Variants in ADK observed in about 807,000 individuals in gnomAD.
The protein encoded by ADK is adenosine kinase, also known as N6,N6-dimethyladenosine kinase.
Under a neutral mutation model 44.7 loss-of-function variants are expected in ADK, and 24 were observed. That is an observed-to-expected ratio of 0.54 (90% CI 0.39 to 0.76). The LOEUF (loss-of-function observed/expected upper bound fraction) is 0.76. Among genes scored for constraint, ADK ranks in the 30% least tolerant of loss-of-function variants. The pLI is 0.00. For synonymous variants in ADK, 128 were observed against 142.6 expected (o/e 0.90, Z 0.73); for missense variants, 321 against 425.1 (o/e 0.76, Z 2.15).
chr10:74,208,433 T>C (rs76803351), intron 2 of ADK, among the ~76,000 whole-genome samples: 4,868 of 152,348 alleles, frequency 0.032, 278 homozygotes, highest in African/African-American at 0.11. Context: ...CTCGAGTAAC[T>C]TCTTTGTTTT....
intron 6 of ADK, among the ~76,000 whole-genome samples, chr10:74,413,176 T>C (rs1844247542): frequency 2.0e-5 from 3 of 152,110 alleles, no homozygotes; most frequent in Admixed American, 2.0e-4. Flanking sequence ...GGCTCTAGGA[T>C]TTTTAGAATG....
chr10:74,626,322 G>A (rs529442406), intron 9 of ADK, among the ~76,000 whole-genome samples: 1 of 141,842 alleles, frequency 7.1e-6, no homozygotes, highest in Non-Finnish European at 1.5e-5. Context: ...TTTTTTTTTG[G>A]AGGAGTCTTG....
chr10:74,400,022 C>T (rs1391681425), intron 6 of ADK, among the ~76,000 whole-genome samples: 2 of 151,834 alleles, frequency 1.3e-5, no homozygotes, highest in Admixed American at 1.3e-4. Context: ...TTGCAGACAA[C>T]TCATAGTTTT....
chr10:74,541,874 G>A (rs1849653140), intron 7 of ADK, among the ~76,000 whole-genome samples: 1 of 140,826 alleles, frequency 7.1e-6, no homozygotes, highest in Admixed American at 8.2e-5. Flanking sequence ...AGATTTTAGT[G>A]TGTTTCGTTA....
At chr10:74,548,627 G>A (rs373165001) in intron 7 of ADK, among the ~76,000 whole-genome samples, 7 of 152,180 alleles carry the variant, frequency 4.6e-5, no homozygotes, top group African/African-American at 1.7e-4. Flanking sequence ...GAGATAAAGA[G>A]AGGGAATAAA....
chr10:74,201,846 T>C (rs1843407836), intron 2 of ADK, among the ~76,000 whole-genome samples: 1 of 152,064 alleles, frequency 6.6e-6, no homozygotes, highest in South Asian at 2.1e-4. Context: ...AAAAGATTAA[T>C]GATGAGAAAG....
At chr10:74,278,307 T>C (rs1427168685) in intron 3 of ADK, among the ~76,000 whole-genome samples, 1 of 148,626 alleles carries the variant, frequency 6.7e-6, no homozygotes, top group Non-Finnish European at 1.5e-5. Flanking sequence ...TGAGCTGAGA[T>C]TGCACCACTG....
intron 6 of ADK, among the ~76,000 whole-genome samples, chr10:74,417,659 C>T (rs1265805719): frequency 2.0e-5 from 3 of 151,744 alleles, no homozygotes; most frequent in Non-Finnish European, 4.4e-5. Flanking sequence ...ATCAGCGAAC[C>T]ATATCTGACA....
intron 4 of ADK, among the ~76,000 whole-genome samples, chr10:74,336,682 A>G (rs1409909532): frequency 6.6e-6 from 1 of 152,206 alleles, no homozygotes; most frequent in South Asian, 2.1e-4. Flanking sequence ...CCCATAAGGG[A>G]TTGGTTCTAG....
chr10:74,220,497 G>A (rs1054801536), intron 2 of ADK, among the ~76,000 whole-genome samples: 1 of 151,868 alleles, frequency 6.6e-6, no homozygotes, highest in Admixed American at 6.6e-5. Context: ...AGAAAAAGAG[G>A]GAATCCTCCC....
chr10:74,374,316 A>G (rs1842757190), intron 4 of ADK, among the ~76,000 whole-genome samples: 1 of 152,116 alleles, frequency 6.6e-6, no homozygotes, highest in Non-Finnish European at 1.5e-5. Flanking sequence ...GATAAAGAAT[A>G]TATATTTATT....
chr10:74,445,745 T>C (rs571502589), intron 6 of ADK, among the ~76,000 whole-genome samples: 9 of 152,190 alleles, frequency 5.9e-5, no homozygotes, highest in African/African-American at 1.7e-4. Context: ...TGTTGAGCCT[T>C]ACCTAAATCA....
intron 7 of ADK, among the ~76,000 whole-genome samples, chr10:74,527,372 C>CAAA (rs35990549): frequency 2.2e-5 from 3 of 138,608 alleles, no homozygotes; most frequent in African/African-American, 5.2e-5. Flanking sequence ...AACAAACAAA[C>CAAA]AAAAAAAAAA....
intron 3 of ADK, among the ~76,000 whole-genome samples, chr10:74,236,125 G>T (rs940334271): frequency 1.3e-5 from 2 of 152,142 alleles, no homozygotes; most frequent in Admixed American, 6.5e-5. Context: ...ATATTAAATT[G>T]TAAGTTGTAT....
chr10:74,302,148 A>G (rs1840079161), intron 3 of ADK, among the ~76,000 whole-genome samples: 1 of 51,704 alleles, frequency 1.9e-5, no homozygotes, highest in Non-Finnish European at 3.3e-5. Context: ...TTTTTTTTTG[A>G]GATGGAGTCT....
intron 4 of ADK, among the ~76,000 whole-genome samples, chr10:74,391,696 C>CACACAT (rs1156748052): frequency 2.0e-5 from 3 of 150,256 alleles, no homozygotes; most frequent in Non-Finnish European, 4.4e-5. Flanking sequence ...CACACACACA[C>CACACAT]ATTCTCTTTT....
intron 10 of ADK, among the ~76,000 whole-genome samples, chr10:74,695,158 T>G (rs1445321260): frequency 2.0e-5 from 3 of 152,200 alleles, no homozygotes; most frequent in Non-Finnish European, 4.4e-5. Context: ...TAGAAGTATT[T>G]AATCTGGTAA....
At chr10:74,327,596 G>T (rs1748903744) in intron 4 of ADK, among the ~76,000 whole-genome samples, 1 of 152,056 alleles carries the variant, frequency 6.6e-6, no homozygotes, top group African/African-American at 2.4e-5. Context: ...GGGTGCTGAA[G>T]TTTCCTACTA....
chr10:74,415,870 T>C (rs1844350672), intron 6 of ADK, among the ~76,000 whole-genome samples: 1 of 152,090 alleles, frequency 6.6e-6, no homozygotes, highest in African/African-American at 2.4e-5. Flanking sequence ...AATGTATTTA[T>C]GTCTTTATTG....
Sources: gnomAD v4.1 joint callset for allele counts (sites outside exome capture counted in the v4.1 genomes callset) on GRCh38, gnomAD v4.1.1 for gene constraint, MANE v1.5 for transcripts, NCBI Gene and HGNC (gene_info 2026-07-23, HGNC 2026-07-21) for gene names.